NCALD: variants seen among roughly 807,000 people sequenced by gnomAD.
The protein encoded by NCALD is neurocalcin delta.
A neutral mutation model predicts 18.6 loss-of-function variants in NCALD; 10 were observed. That is an observed-to-expected ratio of 0.54 (90% CI 0.33 to 0.91). NCALD has a LOEUF of 0.91. Ranked by LOEUF, NCALD falls within the 40% of genes least tolerant of loss-of-function variation. NCALD has a pLI of 0.03. For missense variants in NCALD, 184 were observed against 247.6 expected (o/e 0.74, Z 1.72); for synonymous variants, 88 against 87.4 (o/e 1.01, Z -0.04).
At chr8:101,968,720 C>G (rs576287384) in intron 2 of NCALD, among the ~76,000 whole-genome samples, 2 of 152,078 alleles carry the variant, frequency 1.3e-5, no homozygotes, top group Non-Finnish European at 2.9e-5. Flanking sequence ...AAACCCTCCA[C>G]ATCACTCTCC....
chr8:102,074,269 A>T (rs945932837), intron 1 of NCALD, among the ~76,000 whole-genome samples: 4 of 152,032 alleles, frequency 2.6e-5, no homozygotes, highest in African/African-American at 9.7e-5. Context: ...ATCTGCTCTC[A>T]TTTTTTCAGG....
At chr8:101,957,414 A>G (rs544531353) in intron 2 of NCALD, among the ~76,000 whole-genome samples, 16 of 151,662 alleles carry the variant, frequency 1.1e-4, no homozygotes, top group Non-Finnish European at 1.9e-4. Context: ...AAATGAAATC[A>G]GTCTAAAATA....
chr8:101,717,586 T>TCA (rs1816146395), intron 2 of NCALD, among the ~76,000 whole-genome samples: 1 of 152,190 alleles, frequency 6.6e-6, no homozygotes, highest in African/African-American at 2.4e-5. Flanking sequence ...CCCCAACTCA[T>TCA]CACTTTCTAA....
At chr8:101,880,285 G>C (rs761929927) in intron 4 of NCALD, among the ~76,000 whole-genome samples, 1 of 152,138 alleles carries the variant, frequency 6.6e-6, no homozygotes, top group Non-Finnish European at 1.5e-5. Flanking sequence ...CTGGCCAGCC[G>C]CTCGGAGTGC....
chr8:101,738,311 A>C (rs1220550149), intron 1 of NCALD, among the ~76,000 whole-genome samples: 3 of 152,178 alleles, frequency 2.0e-5, no homozygotes, highest in African/African-American at 7.2e-5. Flanking sequence ...TGGGAGGCCA[A>C]GGTGGGTGGA....
chr8:102,015,992 G>A (rs757438836), intron 2 of NCALD, among the ~76,000 whole-genome samples: 1 of 152,200 alleles, frequency 6.6e-6, no homozygotes, highest in Non-Finnish European at 1.5e-5. Context: ...GTAGGGCACA[G>A]GCAAGAAACT....
At chr8:102,097,042 A>C (rs1244026187) in intron 1 of NCALD, among the ~76,000 whole-genome samples, 1 of 152,196 alleles carries the variant, frequency 6.6e-6, no homozygotes, top group Non-Finnish European at 1.5e-5. Flanking sequence ...GATACTAAAC[A>C]TAGTGGATGA....
chr8:101,843,929 CATAAA>C lies in NCALD; in HGVS notation c.-20+43207_-20+43211del, dbSNP rs150877148. 5.4e-3 allele frequency among the ~76,000 whole-genome samples: 828 copies of C among 152,260 alleles called. 9 individuals carry two copies. Among genetic ancestry groups the C allele is most frequent in the African/African-American group, 0.019 (782 of 41,548 alleles). ...AATGTTAAATTATGAAATATTAAAA[CATAAA>C]ATAAAGTACAGAGAAAAAATAAAAC... On this transcript the variant is annotated intron_variant, in intron 4 of 6. Coordinates refer to the NCALD transcript ENST00000311028.
chr8:102,063,522 AT>A (rs1823912102), intron 1 of NCALD, among the ~76,000 whole-genome samples: 1 of 152,142 alleles, frequency 6.6e-6, no homozygotes, highest in Non-Finnish European at 1.5e-5. Context: ...ATAAAGGGAC[AT>A]TTTTTTAAGA....
At chr8:102,037,744 CT>C (rs2132164286) in intron 1 of NCALD, among the ~76,000 whole-genome samples, 1 of 152,210 alleles carries the variant, frequency 6.6e-6, no homozygotes, top group South Asian at 2.1e-4. Context: ...TGCCTTCAGC[CT>C]AGAACTTGAG....
intron 2 of NCALD, among the ~76,000 whole-genome samples, chr8:101,995,840 C>G (rs1001859822): frequency 2.6e-5 from 4 of 152,314 alleles, no homozygotes; most frequent in Admixed American, 2.6e-4. Context: ...AAGATAAGAG[C>G]ACCAATTGTT....
At chr8:101,888,933 C>A (rs1468291472) in intron 3 of NCALD, among the ~76,000 whole-genome samples, 4 of 152,162 alleles carry the variant, frequency 2.6e-5, no homozygotes, top group African/African-American at 9.7e-5. Flanking sequence ...AACAAGTCTA[C>A]CCTTTTCCCT....
chr8:101,819,735 A>G (rs1813644201), intron 4 of NCALD, among the ~76,000 whole-genome samples: 1 of 152,206 alleles, frequency 6.6e-6, no homozygotes, highest in Admixed American at 6.5e-5. Flanking sequence ...TTGCAGTTGC[A>G]TTATTCTAAT....
rs1471641620 is a variant in NCALD, at chr8:101,894,320, C to A, written c.-106-7093G>T. On this transcript the variant is annotated intron_variant, in intron 3 of 6. Coordinates refer to the NCALD transcript ENST00000311028. ...AGATGTTCTTTGAAACCAACGAGAACAAAGACACAACATACCAGAATCTCT... is the reference window on the plus strand; with the variant it reads ...AGATGTTCTTTGAAACCAACGAGAAAAAAGACACAACATACCAGAATCTCT... Among the ~76,000 whole-genome samples, 13 of 125,768 alleles carry A rather than the reference C, an allele frequency of 1.0e-4. 1 individual carries two copies. The highest frequency in any genetic ancestry group is 4.0e-4 in the Admixed American group (5 of 12,474). The allele number at this position is 125,768 out of a possible 152,430, so 82.5% of individuals were successfully genotyped here.
Position 101,947,415 on chromosome 8 carries a change from G to C in NCALD, c.-156-31557C>G, listed in dbSNP as rs557350711. ...TCTCATCAAATAAGGGCAATTTTGT[G>C]AGAGTTTTCATGTGAAATCATTAGG... On this transcript the variant is annotated intron_variant, in intron 2 of 6. Coordinates refer to the NCALD transcript ENST00000311028. Among the ~76,000 whole-genome samples, 8 of 152,154 alleles carry C rather than the reference G, an allele frequency of 5.3e-5. 1 individual carries two copies. The highest frequency in any genetic ancestry group is 1.7e-4 in the African/African-American group (7 of 41,446).
chr8:101,690,822 G>T, intron 3 of NCALD: 1 of 985,380 alleles, frequency 1.0e-6, no homozygotes, highest in South Asian at 4.7e-5. Flanking sequence ...GCTTGGCAAG[G>T]CATGAGGGAA....
intron 4 of NCALD, among the ~76,000 whole-genome samples, chr8:101,800,663 T>C (rs1046056480): frequency 6.6e-6 from 1 of 151,520 alleles, no homozygotes; most frequent in Non-Finnish European, 1.5e-5. Flanking sequence ...ACAGAAAGGC[T>C]AAAAGTAAAA....
At chr8:102,123,307 G>A (rs1040173298) in intron 1 of NCALD, among the ~76,000 whole-genome samples, 1 of 152,060 alleles carries the variant, frequency 6.6e-6, no homozygotes, top group Admixed American at 6.5e-5. Flanking sequence ...ACCTTCTTGC[G>A]GGGCTAGCGT....
intron 1 of NCALD, among the ~76,000 whole-genome samples, chr8:102,116,494 T>A (rs530521169): frequency 6.6e-6 from 1 of 152,184 alleles, no homozygotes; most frequent in African/African-American, 2.4e-5. Flanking sequence ...GGTGGTGTTG[T>A]TGTTTTGAGA....
Sources: gnomAD v4.1 joint callset for allele counts (sites outside exome capture counted in the v4.1 genomes callset) on GRCh38, gnomAD v4.1.1 for gene constraint, MANE v1.5 for transcripts, NCBI Gene and HGNC (gene_info 2026-07-23, HGNC 2026-07-21) for gene names.